The following MRAS variants were observed in gnomAD, a reference collection of about 807,000 sequenced individuals.
MRAS encodes ras-related protein M-Ras.
MRAS carries 4 observed loss-of-function variants against 20.9 expected under a neutral mutation model. That is an observed-to-expected ratio of 0.19 (90% confidence interval 0.09 to 0.44). MRAS has a LOEUF of 0.44. Ranked by LOEUF, MRAS falls within the 20% of genes least tolerant of loss-of-function variation. MRAS has a pLI of 0.99. For synonymous variants in MRAS, 98 were observed against 102.9 expected (o/e 0.95, Z 0.29); for missense variants, 154 against 277.5 (o/e 0.56, Z 3.16).
chr3:138,388,430 G>A (rs1351864427), intron 2 of MRAS, among the ~76,000 whole-genome samples: 1 of 152,222 alleles, frequency 6.6e-6, no homozygotes, highest in Non-Finnish European at 1.5e-5. Flanking sequence ...TGGGCACAGT[G>A]GCTCACGCCT....
At position 138,402,164 on chromosome 3, in the gene MRAS, CA is replaced by C. The variant is rs541655371; in HGVS notation, c.528-2del. 7.8e-3 allele frequency: 12,660 copies of C among 1,613,924 alleles called. 138 individuals carry two copies. Among genetic ancestry groups the C allele is most frequent in the Non-Finnish European group, 7.1e-3 (8,374 of 1,179,862 alleles). On this transcript the variant is annotated splice_polypyrimidine_tract_variant and splice_region_variant and intron_variant, in intron 5 of 5. Coordinates refer to ENST00000423968, the MANE Select transcript of MRAS (RefSeq NM_001085049.3). ...TTTGTCTTTCTGTCCTTCATTGTTT[CA>C]AAAGGCAACAGATTCCGGAAAAAAG...
At chr3:138,352,329 C>A (rs566236892) in intron 1 of MRAS, among the ~76,000 whole-genome samples, 1 of 152,318 alleles carries the variant, frequency 6.6e-6, no homozygotes, top group African/African-American at 2.4e-5. Flanking sequence ...TGCCCTGGCC[C>A]CCAGCACTGA....
At chr3:138,381,740 AC>A (rs2054909651) in intron 2 of MRAS, among the ~76,000 whole-genome samples, 1 of 152,184 alleles carries the variant, frequency 6.6e-6, no homozygotes, top group African/African-American at 2.4e-5. Context: ...CTTCTCCTGC[AC>A]CATCAGAAGC....
chr3:138,374,351 A>G (rs1285364863), intron 2 of MRAS, among the ~76,000 whole-genome samples: 1 of 152,032 alleles, frequency 6.6e-6, no homozygotes, highest in East Asian at 1.9e-4. Flanking sequence ...GTAAATTATT[A>G]TTTTTGGTTT....
chr3:138,379,170 TC>T (rs953139032), intron 2 of MRAS, among the ~76,000 whole-genome samples: 18 of 151,878 alleles, frequency 1.2e-4, no homozygotes, highest in African/African-American at 3.9e-4. Flanking sequence ...CTTCTCTTCA[TC>T]CCCCCACCCA....
intron 1 of MRAS, among the ~76,000 whole-genome samples, chr3:138,354,106 TG>T (rs2054282813): frequency 6.6e-6 from 1 of 152,158 alleles, no homozygotes; most frequent in East Asian, 1.9e-4. Flanking sequence ...AAAGATGTGG[TG>T]AGGCAGCAGA....
At chr3:138,359,942 G>A (rs754419633) in intron 1 of MRAS, among the ~76,000 whole-genome samples, 14 of 152,172 alleles carry the variant, frequency 9.2e-5, no homozygotes, top group Non-Finnish European at 2.9e-5. Flanking sequence ...TAATAAAATA[G>A]CCAGAAATCT....
rs201215660 is a variant in MRAS at position 138,379,450 on chromosome 3, C to T, written c.193+6374C>T. 7.9e-5 allele frequency among the ~76,000 whole-genome samples: 12 copies of T among 151,050 alleles called. No individual in the cohort carries two copies. In the East Asian group the frequency reaches 1.4e-3, roughly 17 times the overall value. ...CACGATCACTGCAACCTCCCCCTCC[C>T]GGGTTCAAGCAATTCTCCTGCCTAA... On this transcript the variant is annotated intron_variant, in intron 2 of 5. Transcript: ENST00000423968.
intron 2 of MRAS, among the ~76,000 whole-genome samples, chr3:138,394,398 G>A (rs1338944639): frequency 6.6e-6 from 1 of 152,166 alleles, no homozygotes; most frequent in Non-Finnish European, 1.5e-5. Context: ...CCCCTCTGAA[G>A]TGCCAAATGG....
intron 2 of MRAS, among the ~76,000 whole-genome samples, chr3:138,394,774 A>G (rs1459879478): frequency 6.6e-6 from 1 of 152,124 alleles, no homozygotes; most frequent in Admixed American, 6.5e-5. Flanking sequence ...GTCATCCTCA[A>G]TGCCTCTTTT....
intron 1 of MRAS, among the ~76,000 whole-genome samples, chr3:138,372,654 T>A (rs528718406): frequency 6.6e-6 from 1 of 152,324 alleles, no homozygotes; most frequent in African/African-American, 2.4e-5. Context: ...ATAATTGGTG[T>A]TGAATAAATG....
chr3:138,358,045 G>A (rs918248050), intron 1 of MRAS, among the ~76,000 whole-genome samples: 1 of 152,186 alleles, frequency 6.6e-6, no homozygotes, highest in African/African-American at 2.4e-5. Flanking sequence ...CTTGTCAGAT[G>A]TAAAGGGGTC....
At chr3:138,353,601 G>A (rs980602868) in intron 1 of MRAS, among the ~76,000 whole-genome samples, 1 of 152,122 alleles carries the variant, frequency 6.6e-6, no homozygotes, top group South Asian at 2.1e-4. Flanking sequence ...TTCTTCAACT[G>A]CTCTTCAAAT....
intron 2 of MRAS, among the ~76,000 whole-genome samples, chr3:138,375,847 C>T (rs1440586394): frequency 6.6e-6 from 1 of 151,918 alleles, no homozygotes; most frequent in Non-Finnish European, 1.5e-5. Flanking sequence ...CGTGGTGAAA[C>T]CCCATCTCAA....
chr3:138,373,052 G>A lies in MRAS; in HGVS notation c.169G>A (p.Asp57Asn). Residue 57 changes from aspartate to asparagine, a missense_variant, in exon 2 of 6, where the codon GAC (aspartate) becomes AAC (asparagine). Around this residue, in one of 3 missense-constraint regions of MRAS, gnomAD observed 125 missense variants for 213.5 expected, o/e 0.59. Transcript: ENST00000423968. Reference sequence around the variant, plus strand: ...CTCCTACCTGAAACATACGGAGATTGACAATCAATGGGCCATCTTGGACGG... The same window carrying A: ...CTCCTACCTGAAACATACGGAGATTAACAATCAATGGGCCATCTTGGACGG... ...EDSYLKHTEI[D>N]NQWAILDVLD... is the part of the protein sequence containing the mutation. 1 of 1,503,482 alleles carries A rather than the reference G, an allele frequency of 6.7e-7. No individual in the cohort carries two copies. Among genetic ancestry groups the A allele is most frequent in the Non-Finnish European group, 8.9e-7 (1 of 1,126,892 alleles). The allele number at this position is 1,503,482 out of a possible 1,614,324, so 93.1% of individuals were successfully genotyped here.
chr3:138,366,527 C>T (rs1306080660), intron 1 of MRAS, among the ~76,000 whole-genome samples: 1 of 152,196 alleles, frequency 6.6e-6, no homozygotes, highest in South Asian at 2.1e-4. Flanking sequence ...TTTGGGAGAG[C>T]CTCTGGATTG....
intron 2 of MRAS, among the ~76,000 whole-genome samples, chr3:138,382,053 C>T (rs2054916930): frequency 6.6e-6 from 1 of 152,196 alleles, no homozygotes; most frequent in Non-Finnish European, 1.5e-5. Context: ...TGGCCTGTCA[C>T]CCACCAAGGG....
At chr3:138,400,028 T>A (rs753730747) in intron 4 of MRAS, among the ~76,000 whole-genome samples, 1 of 152,044 alleles carries the variant, frequency 6.6e-6, no homozygotes, top group Non-Finnish European at 1.5e-5. Flanking sequence ...TAGATACAGA[T>A]CAAACAAGAG....
intron 2 of MRAS, among the ~76,000 whole-genome samples, chr3:138,390,816 G>GT (rs1404934485): frequency 2.0e-5 from 3 of 152,144 alleles, no homozygotes; most frequent in Non-Finnish European, 4.4e-5. Flanking sequence ...TGTCCCTTCC[G>GT]TTTCATCTGC....
Sources: allele counts gnomAD v4.1 joint callset (sites outside exome capture counted in the v4.1 genomes callset), GRCh38; gene constraint gnomAD v4.1.1; regional missense constraint gnomAD v4.1.1; transcripts MANE v1.5; gene names NCBI Gene and HGNC (gene_info 2026-07-23, HGNC 2026-07-21).